ASCC3: variants seen among roughly 807,000 people sequenced by gnomAD.
ASCC3 encodes ASC-1 complex subunit P200.
Under a neutral mutation model 256.3 loss-of-function variants are expected in ASCC3, and 158 were observed. The observed-to-expected ratio is 0.62, with a 90% confidence interval of 0.54 to 0.70. ASCC3 has a LOEUF of 0.70. Among genes scored for constraint, ASCC3 ranks in the 30% least tolerant of loss-of-function variants. The pLI, the probability that ASCC3 is intolerant of heterozygous loss-of-function variation, is 0.00. For missense variants in ASCC3, 2,259 were observed against 2,626.0 expected (o/e 0.86, Z 3.05); for synonymous variants, 948 against 883.4 (o/e 1.07, Z -1.30).
rs575133857 is a variant in ASCC3, at chr6:100,706,284, C to A, written c.2151+9178G>T. ...TAAAGTTATAATTTAAAACCTTATACAAAGACAGCTAGTGACTGGGATAAC... is the reference window on the plus strand; with the variant it reads ...TAAAGTTATAATTTAAAACCTTATAAAAAGACAGCTAGTGACTGGGATAAC... On this transcript the variant is annotated intron_variant, in intron 13 of 41. Coordinates refer to ENST00000369162, the MANE Select transcript of ASCC3 (RefSeq NM_006828.4). Among the ~76,000 whole-genome samples the A allele has an allele frequency of 2.6e-5, 4 of 151,028 alleles. No homozygotes were observed. In the South Asian group the frequency reaches 8.3e-4, roughly 31 times the overall value.
At chr6:100,722,258 T>G (rs934905727) in intron 11 of ASCC3, among the ~76,000 whole-genome samples, 11 of 151,564 alleles carry the variant, frequency 7.3e-5, no homozygotes, top group Non-Finnish European at 1.6e-4. Flanking sequence ...AGTTTGAAGG[T>G]GGGTAGTGTG....
chr6:100,860,549 T>C (rs971910325), intron 3 of ASCC3, among the ~76,000 whole-genome samples: 1 of 151,940 alleles, frequency 6.6e-6, no homozygotes, highest in Non-Finnish European at 1.5e-5. Context: ...GGATTCTCTA[T>C]ACTTCATTTG....
At chr6:100,628,115 T>C in intron 27 of ASCC3, 128 bp from the exon 28 acceptor site, 1 of 1,006,668 alleles carries the variant, frequency 9.9e-7, no homozygotes, top group Middle Eastern at 2.4e-4. Context: ...AAAAAAAAGC[T>C]AAAGCTAGAA....
Position 100,540,279 on chromosome 6 carries a change from G to A in ASCC3, c.5659C>T (p.Pro1887Ser). The A allele has an allele frequency of 6.2e-7, 1 of 1,613,888 alleles. No individual in the cohort carries two copies. Among genetic ancestry groups the A allele is most frequent in the East Asian group, 2.2e-5 (1 of 44,876 alleles). ...IESNPHSFDS[P>S]HTKAHLLLQA... The stretch of plus-strand genomic sequence containing the variant: ...AGCAGGAGATGTGCTTTGGTGTGAG[G>A]GCTGTCAAATGAATGAGGATTTGAT... Residue 1887 changes from proline (P) to serine (S), a missense_variant, in exon 37 of 42, where the codon CCT becomes TCT. By Grantham distance (74) the Pro-to-Ser change is moderately conservative. This residue lies in a region of ASCC3 where 1,839 missense variants were observed against 2,206.7 expected (regional missense o/e 0.83). Transcript: ENST00000369162.
At chr6:100,862,934 G>A (rs757741214) in intron 3 of ASCC3, among the ~76,000 whole-genome samples, 7 of 152,128 alleles carry the variant, frequency 4.6e-5, no homozygotes, top group Non-Finnish European at 1.0e-4. Flanking sequence ...CCAACACAGA[G>A]AGCAGCATGT....
intron 8 of ASCC3, among the ~76,000 whole-genome samples, chr6:100,795,216 T>C (rs1582874979): frequency 6.6e-6 from 1 of 151,934 alleles, no homozygotes; most frequent in East Asian, 1.9e-4. Context: ...ACCCATTGCT[T>C]CTGGGATTAT....
chr6:100,662,165 A>G, intron 15 of ASCC3, 135 bp from the exon 16 acceptor site: 1 of 1,113,410 alleles, frequency 9.0e-7, no homozygotes, highest in Non-Finnish European at 1.3e-6. Context: ...CATCTGTGAT[A>G]GAGTAAAATT....
intron 13 of ASCC3, among the ~76,000 whole-genome samples, chr6:100,689,548 T>C (rs74355197): frequency 0.015 from 2,288 of 152,304 alleles, 52 homozygotes; most frequent in African/African-American, 0.052. Context: ...CTTCCTGCTA[T>C]CATCCAATCA....
At chr6:100,580,092 T>C (rs1407149020) in intron 36 of ASCC3, among the ~76,000 whole-genome samples, 1 of 152,154 alleles carries the variant, frequency 6.6e-6, no homozygotes, top group African/African-American at 2.4e-5. Context: ...GTTGCTATTG[T>C]GAATGGGATT....
chr6:100,654,208 C>A (rs1381969511), intron 17 of ASCC3, among the ~76,000 whole-genome samples: 1 of 150,480 alleles, frequency 6.6e-6, no homozygotes, highest in Non-Finnish European at 1.5e-5. Context: ...ATTACTAAAC[C>A]ATCAAAAATA....
chr6:100,655,845 T>A, intron 16 of ASCC3, 27 bp from the exon 17 acceptor site: 1 of 1,607,810 alleles, frequency 6.2e-7, no homozygotes, highest in Non-Finnish European at 8.5e-7. Flanking sequence ...TGACAGAAAT[T>A]AATGTATTAA....
intron 10 of ASCC3, among the ~76,000 whole-genome samples, chr6:100,741,103 T>C (rs1242950739): frequency 6.6e-6 from 1 of 152,238 alleles, no homozygotes; most frequent in African/African-American, 2.4e-5. Flanking sequence ...CAGCATTTGC[T>C]TCTCTGAAAA....
rs1461486832 is a variant in ASCC3 at position 100,512,826 on chromosome 6, G to A, written c.6168C>T (p.Leu2056=). 1 of 1,613,956 alleles carries A rather than the reference G, an allele frequency of 6.2e-7. No individual in the cohort carries two copies. The part of the protein sequence containing the change: ...WDDLVEGHNE[L]SVSTLTADKR... ...TGTCTGCAGTCAGAGTTGAGACAGA[G>A]AGTTCATTATGTCCTTCAACTAAGT... The change falls in exon 40 of 42, where the codon CTC becomes CTT. Residue 2056 remains leucine, a synonymous_variant. Coordinates refer to ENST00000369162, the MANE Select transcript of ASCC3 (RefSeq NM_006828.4).
At chr6:100,855,633 C>A (rs1006757877) in intron 3 of ASCC3, among the ~76,000 whole-genome samples, 2 of 152,192 alleles carry the variant, frequency 1.3e-5, no homozygotes, top group Non-Finnish European at 2.9e-5. Context: ...TCTATGAATT[C>A]TTTCCTGACT....
At chr6:100,869,825 C>A (rs529595608) in intron 1 of ASCC3, among the ~76,000 whole-genome samples, 1 of 152,064 alleles carries the variant, frequency 6.6e-6, no homozygotes, top group African/African-American at 2.4e-5. Context: ...TTCCTGCAAA[C>A]AACCAAACGT....
intron 36 of ASCC3, among the ~76,000 whole-genome samples, chr6:100,556,042 C>A (rs1582441058): frequency 6.6e-6 from 1 of 152,256 alleles, no homozygotes; most frequent in Admixed American, 6.5e-5. Context: ...AATTACCTTG[C>A]TTCTACCTTT....
intron 41 of ASCC3, 85 bp from the exon 42 acceptor site, chr6:100,509,618 A>G: frequency 7.3e-7 from 1 of 1,367,390 alleles, no homozygotes; most frequent in South Asian, 1.2e-5. Context: ...TGGTAGTAGG[A>G]GGCTGGGTGC....
chr6:100,602,039 A>C lies in ASCC3; in HGVS notation c.5178-104T>G. On this transcript the variant is annotated intron_variant, in intron 33 of 41. Transcript: ENST00000369162. ...TTCAGATTTTATGTTCTAAGATAAA[A>C]ACAAATTTGTTTTATATAACTTAAA... 3.1e-6 allele frequency: 4 copies of C among 1,288,570 alleles called. No homozygotes were observed. The South Asian group carries it at 5.4e-5, about 18-fold the overall frequency. 79.8% of individuals were successfully genotyped at this position (1,288,570 alleles called of 1,614,324 possible). A position where few individuals can be genotyped will look rare whatever the true frequency, so the allele number is the denominator to read the frequency against.
At chr6:100,616,689 A>G (rs1244750847) in intron 30 of ASCC3, among the ~76,000 whole-genome samples, 1 of 152,156 alleles carries the variant, frequency 6.6e-6, no homozygotes, top group African/African-American at 2.4e-5. Context: ...ACTTTAGAGC[A>G]CAACTTAAAA....
Sources: allele counts gnomAD v4.1 joint callset (sites outside exome capture counted in the v4.1 genomes callset), GRCh38; gene constraint gnomAD v4.1.1; regional missense constraint gnomAD v4.1.1; transcripts MANE v1.5; gene names NCBI Gene and HGNC (gene_info 2026-07-23, HGNC 2026-07-21).